The following NSD2 variants were observed in gnomAD, a reference collection of about 807,000 sequenced individuals.
NSD2 encodes nuclear receptor binding SET domain protein 2.
Under a neutral mutation model 139.0 loss-of-function variants are expected in NSD2, and 12 were observed. The observed-to-expected ratio is 0.09, with a 90% CI of 0.06 to 0.14. NSD2 has a LOEUF of 0.14. Ranked by LOEUF, NSD2 falls within the 10% of genes least tolerant of loss-of-function variation. NSD2 has a pLI of 1.00. For missense variants in NSD2, 1,155 were observed against 1,745.0 expected (o/e 0.66, Z 6.02); for synonymous variants, 669 against 648.7 (o/e 1.03, Z -0.48).
In NSD2 at chr4:1,955,552, T is replaced by C; in HGVS notation, c.2519-141T>C. On this transcript the variant is annotated intron_variant, in intron 13 of 21. Coordinates refer to ENST00000508803, the MANE Select transcript of NSD2 (RefSeq NM_001042424.3). This position sits in a 1 kb window ranked among gnomAD's most constrained non-coding sequence, Gnocchi z 4.7. ...TATTTGTGGTGAAAATGACATTTGCTCTCGTGCTGATGTACAGATCGCTGT... is the reference window on the plus strand; with the variant it reads ...TATTTGTGGTGAAAATGACATTTGCCCTCGTGCTGATGTACAGATCGCTGT... 8.0e-7 allele frequency: 1 copy of C among 1,249,662 alleles called. No homozygotes were observed. The highest frequency in any genetic ancestry group is 1.1e-6 in the Non-Finnish European group (1 of 929,198). The allele number at this position is 1,249,662 out of a possible 1,614,324, so 77.4% of individuals were successfully genotyped here.
intron 18 of NSD2, among the ~76,000 whole-genome samples, chr4:1,962,436 A>G (rs1725462468): frequency 1.3e-5 from 2 of 152,194 alleles, no homozygotes; most frequent in Non-Finnish European, 2.9e-5. Context: ...ATAGGTATGG[A>G]AAGTGTTGTG....
intron 18 of NSD2, among the ~76,000 whole-genome samples, chr4:1,961,632 A>G (rs1387717571): frequency 1.3e-5 from 2 of 152,224 alleles, no homozygotes; most frequent in African/African-American, 4.8e-5. Flanking sequence ...AGAGGGATCA[A>G]TGTTCTGAGG....
chr4:1,900,627 G>A lies in NSD2; in HGVS notation c.-28G>A, dbSNP rs943087629. On this transcript the variant is annotated splice_region_variant and 5_prime_UTR_variant, in exon 2 of 22. Coordinates refer to ENST00000508803, the MANE Select transcript of NSD2 (RefSeq NM_001042424.3). The stretch of plus-strand genomic sequence containing the variant: ...TTTTTCTTTTTTTTAATACCATAGT[G>A]TTCTAAGAACGGAAGCATCTGGGCT... 2 of 1,514,074 alleles carry A rather than the reference G, an allele frequency of 1.3e-6. No homozygotes were observed. Among genetic ancestry groups the A allele is most frequent in the African/African-American group, 1.4e-5 (1 of 71,556 alleles). The allele number at this position is 1,514,074 out of a possible 1,614,324, so 93.8% of individuals were successfully genotyped here.
At position 1,956,293 on chromosome 4, in the gene NSD2, G is replaced by A. The variant is rs1724796545; in HGVS notation, c.2881+105G>A. On this transcript the variant is annotated intron_variant, in intron 15 of 21. Coordinates refer to ENST00000508803, the MANE Select transcript of NSD2 (RefSeq NM_001042424.3). The surrounding 1 kb of genome is among the most constrained non-coding windows in gnomAD (Gnocchi z 5.3). ...ATCTTTATAGAAAATACTGGACTAA[G>A]CATTCAATCTGTTTTTTTAAATTAG... The A allele has an allele frequency of 3.0e-6, 3 of 1,003,818 alleles. No individual in the cohort carries two copies. Among genetic ancestry groups the A allele is most frequent in the South Asian group, 4.3e-5 (2 of 46,426 alleles). The allele number at this position is 1,003,818 out of a possible 1,614,324, so 62.2% of individuals were successfully genotyped here.
intron 5 of NSD2, among the ~76,000 whole-genome samples, chr4:1,920,668 T>C (rs1426057613): frequency 1.3e-5 from 2 of 151,326 alleles, no homozygotes; most frequent in Non-Finnish European, 2.9e-5. Context: ...CCAGGAGTGT[T>C]GAGGTTGCAG....
At chr4:1,912,976 TTAAAA>T (rs1718873338) in intron 3 of NSD2, among the ~76,000 whole-genome samples, 1 of 152,202 alleles carries the variant, frequency 6.6e-6, no homozygotes, top group African/African-American at 2.4e-5. Context: ...AAGAAAATAC[TTAAAA>T]TAAGAATAGT....
intron 9 of NSD2, chr4:1,945,314 G>C: frequency 9.4e-7 from 1 of 1,065,984 alleles, no homozygotes. Flanking sequence ...GAGGGAGGAT[G>C]CTGTGTGAGA....
intron 11 of NSD2, chr4:1,952,915 C>T: frequency 7.1e-7 from 1 of 1,403,928 alleles, no homozygotes; most frequent in Non-Finnish European, 9.2e-7. Context: ...CATGGCAGCC[C>T]CACAGCAGCA....
chr4:1,916,919 C>T lies in NSD2; in HGVS notation c.809C>T (p.Ala270Val), dbSNP rs556204462. ...TATCACGTACAGTTCTTTGGTGACG[C>T]CCCAGAAAGAGCTTGGATATTTGAG... Reference protein sequence around the residue: ...RQYHVQFFGDAPERAWIFEKS... With the variant: ...RQYHVQFFGDVPERAWIFEKS... The change falls in exon 4 of 22, where the codon GCC becomes GTC. Residue 270 changes from alanine (A) to valine (V), a missense_variant. Coordinates refer to ENST00000508803, the MANE Select transcript of NSD2 (RefSeq NM_001042424.3). 6.2e-7 allele frequency: 1 copy of T among 1,614,046 alleles called. No homozygotes were observed. Among genetic ancestry groups the T allele is most frequent in the South Asian group, 1.1e-5 (1 of 91,066 alleles).
chr4:1,964,894 T>C (rs1009239830), intron 18 of NSD2, among the ~76,000 whole-genome samples: 2 of 151,894 alleles, frequency 1.3e-5, no homozygotes, highest in Non-Finnish European at 2.9e-5. Context: ...ACCTTAAATT[T>C]CCATCTTGGG....
chr4:1,966,656 CAAA>C (rs568684570), intron 18 of NSD2, among the ~76,000 whole-genome samples: 5 of 63,118 alleles, frequency 7.9e-5, no homozygotes, highest in Non-Finnish European at 6.5e-5. Context: ...GACTCTGTCT[CAAA>C]AAAAAAAAAA....
chr4:1,889,822 T>C (rs74375029), intron 1 of NSD2, among the ~76,000 whole-genome samples: 1 of 152,024 alleles, frequency 6.6e-6, no homozygotes, highest in Admixed American at 6.6e-5. Flanking sequence ...TTTTTTTTTT[T>C]AATTGAGATA....
rs1288253121 is a variant in NSD2 at position 1,918,244 on chromosome 4, T to A, written c.1031T>A (p.Phe344Tyr). 1 of 1,613,818 alleles carries A rather than the reference T, an allele frequency of 6.2e-7. No homozygotes were observed. Among genetic ancestry groups the A allele is most frequent in the South Asian group, 1.1e-5 (1 of 91,070 alleles). The stretch of plus-strand genomic sequence containing the variant: ...TCAGTGGAGGAGCGGAAAGCCAAGT[T>A]CACCTTTCTCTATGTGGGGGACCAG... ...SMSVEERKAK[F>Y]TFLYVGDQLH... Residue 344 changes from phenylalanine to tyrosine, a missense_variant, in exon 5 of 22, where the codon TTC becomes TAC. By Grantham distance (22) the Phe-to-Tyr change is conservative (BLOSUM62 3). Coordinates refer to ENST00000508803, the MANE Select transcript of NSD2 (RefSeq NM_001042424.3).
chr4:1,934,874 AAAAAATATATATATAT>A (rs1722160481), intron 6 of NSD2, among the ~76,000 whole-genome samples: 2 of 61,692 alleles, frequency 3.2e-5, no homozygotes, highest in South Asian at 1.4e-3. Context: ...AAAAAAAAAA[AAAAAATATATATATAT>A]ATATATATAT....
rs936227420 is a variant in NSD2 at position 1,948,461 on chromosome 4, C to T, written c.1882-2611C>T. On this transcript the variant is annotated intron_variant, in intron 9 of 21. Coordinates refer to ENST00000508803, the MANE Select transcript of NSD2 (RefSeq NM_001042424.3). The surrounding 1 kb of genome is among the most constrained non-coding windows in gnomAD (Gnocchi z 4.5). ...TGGAGTAAGGCTTGCTGTGGGACGC[C>T]CTCGTACTTTGCTCTCCTTGCGGGT... The T allele has an allele frequency of 4.7e-6, 5 of 1,065,768 alleles. No homozygotes were observed. In the African/African-American group the frequency reaches 6.5e-5, roughly 14 times the overall value. The allele number at this position is 1,065,768 out of a possible 1,614,324, so 66.0% of individuals were successfully genotyped here.
At chr4:1,918,858 C>G in intron 5 of NSD2, 1 of 491,174 alleles carries the variant, frequency 2.0e-6, no homozygotes, top group Non-Finnish European at 3.4e-6. Context: ...AAGAAGATAC[C>G]GAGAACAGGC....
intron 1 of NSD2, among the ~76,000 whole-genome samples, chr4:1,889,792 C>T (rs1715392619): frequency 1.3e-5 from 2 of 152,194 alleles, no homozygotes; most frequent in South Asian, 4.2e-4. Context: ...CAGGCGTGAG[C>T]CACTGTGCCC....
intron 3 of NSD2, among the ~76,000 whole-genome samples, chr4:1,910,037 GTATAA>G (rs1191498622): frequency 2.0e-5 from 3 of 152,110 alleles, no homozygotes; most frequent in African/African-American, 7.2e-5. Context: ...GAAAACTGAG[GTATAA>G]TATACATGCA....
intron 18 of NSD2, among the ~76,000 whole-genome samples, chr4:1,965,217 G>A (rs1040248566): frequency 1.6e-4 from 25 of 152,012 alleles, no homozygotes; most frequent in African/African-American, 6.0e-4. Flanking sequence ...GAAAACTAAA[G>A]GAAAACCTGC....
Sources: allele counts gnomAD v4.1 joint callset (sites outside exome capture counted in the v4.1 genomes callset), GRCh38; gene constraint gnomAD v4.1.1; non-coding constraint Gnocchi (gnomAD v3.1); transcripts MANE v1.5; gene names NCBI Gene and HGNC (gene_info 2026-07-23, HGNC 2026-07-21).